HOXD11: variants seen among roughly 807,000 people sequenced by gnomAD.
HOXD11 encodes homeobox D11.
Under a neutral mutation model 23.1 loss-of-function variants are expected in HOXD11, and 16 were observed. That is an observed-to-expected ratio of 0.69 (90% CI 0.47 to 1.05). The LOEUF (loss-of-function observed/expected upper bound fraction) is 1.05, where lower values mean the gene tolerates loss of function less well. HOXD11 is among the 50% of genes least tolerant of loss of function. The pLI is 0.00. For synonymous variants in HOXD11, 262 were observed against 224.4 expected (o/e 1.17, Z -1.50); for missense variants, 564 against 495.6 (o/e 1.14, Z -1.31).
downstream of HOXD11, among the ~76,000 whole-genome samples, chr2:176,112,740 G>A (rs1252189735): frequency 6.6e-6 from 1 of 152,226 alleles, no homozygotes; most frequent in East Asian, 1.9e-4. Context: ...CGGCCCCAGC[G>A]GCTGCACATC....
In HOXD11 at chr2:176,107,685, G is replaced by GGCGGCGGCGGCT; in HGVS notation, c.339_350dup (p.Ala117_Ala120dup). 8 of 995,840 alleles carry GGCGGCGGCGGCT rather than the reference G, an allele frequency of 8.0e-6. No individual in the cohort carries two copies. The highest frequency in any genetic ancestry group is 9.5e-6 in the Non-Finnish European group (8 of 839,544). The allele number at this position is 995,840 out of a possible 1,614,324, so 61.7% of individuals were successfully genotyped here. Reference sequence around the variant, plus strand: ...GCTACGCTCCCTACTACGCGGCGGCGGCGGCGGCGGCTGCGGCGGCCGCGG... The same window carrying GGCGGCGGCGGCT: ...GCTACGCTCCCTACTACGCGGCGGCGGCGGCGGCGGCTGCGGCGGCGGCTGCGGCGGCCGCGG... On this transcript the variant is annotated inframe_insertion, in exon 1 of 2. Coordinates refer to ENST00000249504, the MANE Select transcript of HOXD11 (RefSeq NM_021192.3).
Position 176,107,909 on chromosome 2 carries a change from C to A in HOXD11, c.554C>A (p.Ala185Glu), listed in dbSNP as rs746902459. ...PQGFDQFYEAAPGPPFAGPQP... is the reference protein window; with the variant it reads ...PQGFDQFYEAEPGPPFAGPQP... ...GGCTTCGACCAGTTCTACGAGGCAGCGCCCGGGCCCCCGTTCGCCGGGCCG... is the reference window on the plus strand; with the variant it reads ...GGCTTCGACCAGTTCTACGAGGCAGAGCCCGGGCCCCCGTTCGCCGGGCCG... Residue 185 changes from alanine (A) to glutamate (E), a missense_variant, in exon 1 of 2, where the codon GCG becomes GAG. Physicochemically the swap from Ala to Glu is moderately radical, Grantham distance 107. Transcript: ENST00000249504. 60 of 1,433,744 alleles carry A rather than the reference C, an allele frequency of 4.2e-5. 1 individual carries two copies. Among genetic ancestry groups the A allele is most frequent in the East Asian group, 1.3e-4 (4 of 31,726 alleles). The allele number at this position is 1,433,744 out of a possible 1,614,324, so 88.8% of individuals were successfully genotyped here.
downstream of HOXD11, among the ~76,000 whole-genome samples, chr2:176,112,570 A>C (rs1335330208): frequency 6.6e-6 from 1 of 152,222 alleles, no homozygotes; most frequent in African/African-American, 2.4e-5. Context: ...CGAGGCTCCA[A>C]CGAGTGGCGT....
At position 176,107,682 on chromosome 2, in the gene HOXD11, G is replaced by T. The variant is rs1214281349; in HGVS notation, c.327G>T (p.Ala109=). ...GGGGCTACGCTCCCTACTACGCGGC[G>T]GCGGCGGCGGCGGCTGCGGCGGCCG... ...GAGGYAPYYA[A]AAAAAAAAAA... The change falls in exon 1 of 2, where the codon GCG becomes GCT. Residue 109 remains alanine (A), a synonymous_variant. Coordinates refer to ENST00000249504, the MANE Select transcript of HOXD11 (RefSeq NM_021192.3). The T allele has an allele frequency of 7.1e-6, 7 of 991,858 alleles. No individual in the cohort carries two copies. The highest frequency in any genetic ancestry group is 7.1e-5 in the African/African-American group (4 of 56,706). 61.4% of individuals were successfully genotyped at this position (991,858 alleles called of 1,614,324 possible). A position where few individuals can be genotyped will look rare whatever the true frequency, so the allele number is the denominator to read the frequency against.
chr2:176,109,019 A>C lies in HOXD11; in HGVS notation c.894A>C (p.Gln298His). 6.2e-7 allele frequency: 1 copy of C among 1,613,864 alleles called. No individual in the cohort carries two copies. Among genetic ancestry groups the C allele is most frequent in the Non-Finnish European group, 8.5e-7 (1 of 1,179,812 alleles). Residue 298 changes from glutamine to histidine, a missense_variant, in exon 2 of 2, where the codon CAA becomes CAC. Physicochemically the swap from Gln to His is conservative, Grantham distance 24. Transcript: ENST00000249504. ...NVYINKEKRL[Q>H]LSRMLNLTDR... Reference sequence around the variant, plus strand: ...ACATAAACAAAGAGAAAAGACTTCAACTCTCTCGGATGCTCAACCTCACTG... The same window carrying C: ...ACATAAACAAAGAGAAAAGACTTCACCTCTCTCGGATGCTCAACCTCACTG...
chr2:176,109,352 G>A lies in HOXD11; in HGVS notation c.*210G>A. ...TTGGCCGAGCGGATCCTAATAAGGG[G>A]AAAATGGTAAATGCAAACGTCCCGT... On this transcript the variant is annotated 3_prime_UTR_variant, in exon 2 of 2. Transcript: ENST00000249504. The A allele has an allele frequency of 1.8e-6, 1 of 545,592 alleles. No individual in the cohort carries two copies. The highest frequency in any genetic ancestry group is 1.9e-5 in the African/African-American group (1 of 53,052). The allele number at this position is 545,592 out of a possible 1,614,324, so 33.8% of individuals were successfully genotyped here.
rs1417876002 is a variant in HOXD11 at position 176,109,171 on chromosome 2, C to G, written c.*29C>G. 1 of 1,335,774 alleles carries G rather than the reference C, an allele frequency of 7.5e-7. No individual in the cohort carries two copies. The highest frequency in any genetic ancestry group is 1.4e-5 in the African/African-American group (1 of 69,058). The allele number at this position is 1,335,774 out of a possible 1,614,324, so 82.7% of individuals were successfully genotyped here. A position where few individuals can be genotyped will look rare whatever the true frequency, so the allele number is the denominator to read the frequency against. On this transcript the variant is annotated 3_prime_UTR_variant, in exon 2 of 2. Coordinates refer to ENST00000249504, the MANE Select transcript of HOXD11 (RefSeq NM_021192.3). ...CTCCAGGAAGCGCCCTCACCCCAGC[C>G]CCACTCACCCACCCTCCTTCCCACC...
At chr2:176,111,826 CAAAA>C (rs1176283938), downstream of HOXD11, among the ~76,000 whole-genome samples, 17 of 22,740 alleles carry the variant, frequency 7.5e-4, no homozygotes, top group South Asian at 2.5e-3. Flanking sequence ...CTCCCCCCCG[CAAAA>C]AAAAAAAAAA....
At chr2:176,112,547 G>C (rs1689692058), downstream of HOXD11, among the ~76,000 whole-genome samples, 1 of 152,246 alleles carries the variant, frequency 6.6e-6, no homozygotes, top group African/African-American at 2.4e-5. Flanking sequence ...CGGGGCTCCA[G>C]TGAGCCCCCC....
Position 176,107,413 on chromosome 2 carries a change from G to A in HOXD11, c.58G>A (p.Ala20Thr), listed in dbSNP as rs1293170439. The change falls in exon 1 of 2, where the codon GCC becomes ACC. Residue 20 changes from alanine (A) to threonine (T), a missense_variant. Ala to Thr is a moderately conservative substitution (Grantham distance 58). Transcript: ENST00000249504. ...SAASMYLPGC[A>T]YYVAPSDFAS... The stretch of plus-strand genomic sequence containing the variant: ...AGCCAGCATGTACCTGCCGGGCTGC[G>A]CCTACTATGTGGCCCCGTCTGACTT... 9.3e-6 allele frequency: 15 copies of A among 1,613,614 alleles called. No individual in the cohort carries two copies. In the East Asian group the frequency reaches 2.9e-4, roughly 31 times the overall value.
Position 176,109,079 on chromosome 2 carries a change from G to A in HOXD11, c.954G>A (p.Arg318=), listed in dbSNP as rs138394594. The A allele has an allele frequency of 8.0e-3, 12,849 of 1,614,144 alleles. 69 individuals are homozygous for A. Among genetic ancestry groups the A allele is most frequent in the Non-Finnish European group, 9.8e-3 (11,569 of 1,179,978 alleles). Residue 318 remains arginine, a synonymous_variant, in exon 2 of 2, where the codon AGG becomes AGA. Transcript: ENST00000249504. Reference sequence around the variant, plus strand: ...TCAAAATCTGGTTCCAGAATCGCAGGATGAAAGAAAAGAAACTGAACAGAG... The same window carrying A: ...TCAAAATCTGGTTCCAGAATCGCAGAATGAAAGAAAAGAAACTGAACAGAG... The part of the protein sequence containing the change: ...RQVKIWFQNR[R]MKEKKLNRDR...
chr2:176,111,018 G>A (rs1443269110), downstream of HOXD11, among the ~76,000 whole-genome samples: 1 of 152,172 alleles, frequency 6.6e-6, no homozygotes, highest in African/African-American at 2.4e-5. Flanking sequence ...AGGAAGTTCT[G>A]TGCAGCCTTA....
At chr2:176,108,195 G>GGCCC in intron 1 of HOXD11, 59 bp downstream of exon 1, 1 of 249,476 alleles carries the variant, frequency 4.0e-6, no homozygotes, top group Non-Finnish European at 7.2e-6. Context: ...GGGGGGGGGG[G>GGCCC]CGGAGGCCTC....
At position 176,109,030 on chromosome 2, in the gene HOXD11, T is replaced by A; in HGVS notation, c.905T>A (p.Met302Lys). ...NKEKRLQLSR[M>K]LNLTDRQVKI... ...GAGAAAAGACTTCAACTCTCTCGGA[T>A]GCTCAACCTCACTGACCGGCAAGTC... Residue 302 changes from methionine (M) to lysine (K), a missense_variant, in exon 2 of 2, where the codon ATG becomes AAG. Physicochemically the swap from Met to Lys is moderately conservative, Grantham distance 95. Coordinates refer to ENST00000249504, the MANE Select transcript of HOXD11 (RefSeq NM_021192.3). The A allele has an allele frequency of 6.2e-7, 1 of 1,614,102 alleles. No homozygotes were observed. Among genetic ancestry groups the A allele is most frequent in the Non-Finnish European group, 8.5e-7 (1 of 1,179,914 alleles).
At chr2:176,108,546 G>A (rs900907862) in intron 1 of HOXD11, among the ~76,000 whole-genome samples, 1 of 151,944 alleles carries the variant, frequency 6.6e-6, no homozygotes, top group African/African-American at 2.4e-5. Context: ...GCTAGCTGAC[G>A]CGCGCCGCTG....
Position 176,107,577 on chromosome 2 carries a change from G to C in HOXD11, c.222G>C (p.Pro74=). The C allele has an allele frequency of 6.9e-7, 1 of 1,455,916 alleles. No homozygotes were observed. The highest frequency in any genetic ancestry group is 9.1e-7 in the Non-Finnish European group (1 of 1,094,722). 90.2% of individuals were successfully genotyped at this position (1,455,916 alleles called of 1,614,324 possible). The change falls in exon 1 of 2, where the codon CCG becomes CCC. Residue 74 remains proline (P), a synonymous_variant. Transcript: ENST00000249504. ...RDYGLERAKW[P]YRGGGGGGSA... ...ACGGCCTGGAGCGCGCCAAGTGGCC[G>C]TACCGCGGCGGCGGCGGCGGCGGCA...
chr2:176,107,697 T>G lies in HOXD11; in HGVS notation c.342T>G (p.Ala114=), dbSNP rs1167799278. 3.3e-5 allele frequency: 33 copies of G among 1,008,760 alleles called. No homozygotes were observed. In the South Asian group the frequency reaches 4.5e-4, roughly 14 times the overall value. 62.5% of individuals were successfully genotyped at this position (1,008,760 alleles called of 1,614,324 possible). A position where few individuals can be genotyped will look rare whatever the true frequency, so the allele number is the denominator to read the frequency against. ...ACTACGCGGCGGCGGCGGCGGCGGC[T>G]GCGGCGGCCGCGGCGGCCGAGGAGG... ...APYYAAAAAA[A]AAAAAAEEAA... Residue 114 remains alanine (A), a synonymous_variant, in exon 1 of 2, where the codon GCT becomes GCG. Coordinates refer to ENST00000249504, the MANE Select transcript of HOXD11 (RefSeq NM_021192.3).
downstream of HOXD11, among the ~76,000 whole-genome samples, chr2:176,109,928 C>G (rs1689651896): frequency 6.6e-6 from 1 of 152,188 alleles, no homozygotes; most frequent in Admixed American, 6.5e-5. Flanking sequence ...CCCACCCCCA[C>G]CACTAGTCTA....
chr2:176,107,850 C>T lies in HOXD11; in HGVS notation c.495C>T (p.Tyr165=). ...HGPAGAASNF[Y]SAVGRNGILP... is the part of the protein sequence containing the mutation. ...CCGCGGGCGCCGCCTCCAACTTCTACAGCGCGGTGGGCCGCAATGGCATCT... is the reference window on the plus strand; with the variant it reads ...CCGCGGGCGCCGCCTCCAACTTCTATAGCGCGGTGGGCCGCAATGGCATCT... Residue 165 remains tyrosine, a synonymous_variant, in exon 1 of 2, where the codon TAC becomes TAT. Coordinates refer to ENST00000249504, the MANE Select transcript of HOXD11 (RefSeq NM_021192.3). The T allele has an allele frequency of 2.8e-6, 4 of 1,446,944 alleles. No homozygotes were observed. The highest frequency in any genetic ancestry group is 2.7e-6 in the Non-Finnish European group (3 of 1,097,200). The allele number at this position is 1,446,944 out of a possible 1,614,324, so 89.6% of individuals were successfully genotyped here. A position where few individuals can be genotyped will look rare whatever the true frequency, so the allele number is the denominator to read the frequency against.
Sources: allele counts gnomAD v4.1 joint callset (sites outside exome capture counted in the v4.1 genomes callset), GRCh38; gene constraint gnomAD v4.1.1; transcripts MANE v1.5; gene names NCBI Gene and HGNC (gene_info 2026-07-23, HGNC 2026-07-21).